The following AGPAT3 variants were observed in gnomAD, a reference collection of about 807,000 sequenced individuals.
AGPAT3 encodes the protein 1-acyl-sn-glycerol-3-phosphate acyltransferase gamma.
Under a neutral mutation model 47.3 loss-of-function variants are expected in AGPAT3, and 5 were observed. That is an observed-to-expected ratio of 0.11 (90% confidence interval 0.06 to 0.22). AGPAT3 has a LOEUF of 0.22. AGPAT3 is among the 10% of genes least tolerant of loss of function. AGPAT3 has a pLI of 1.00. For missense variants in AGPAT3, 315 were observed against 493.0 expected (o/e 0.64, Z 3.42); for synonymous variants, 212 against 208.3 (o/e 1.02, Z -0.15).
At position 43,905,154 on chromosome 21, in the gene AGPAT3, AATAT is replaced by A. The variant is rs1386430206; in HGVS notation, c.-49+1136_-49+1139del. On this transcript the variant is annotated intron_variant, in intron 2 of 9. Coordinates refer to ENST00000291572, the MANE Select transcript of AGPAT3 (RefSeq NM_020132.5). Reference sequence around the variant, plus strand: ...ATTTAGTGTCTCTTTTTTTAAAAAAAATATTTATTTATTTATTTATTTATTTATT... The same window carrying A: ...ATTTAGTGTCTCTTTTTTTAAAAAAATTATTTATTTATTTATTTATTTATT... Among the ~76,000 whole-genome samples, 153 of 115,286 alleles carry A rather than the reference AATAT, an allele frequency of 1.3e-3. No individual in the cohort carries two copies. In the Middle Eastern group the frequency reaches 0.018, roughly 13 times the overall value. The allele number at this position is 115,286 out of a possible 152,430, so 75.6% of individuals were successfully genotyped here. A position where few individuals can be genotyped will look rare whatever the true frequency, so the allele number is the denominator to read the frequency against.
At chr21:43,925,417 C>T (rs2087021896) in intron 2 of AGPAT3, 1 of 152,558 alleles carries the variant, frequency 6.6e-6, no homozygotes. Flanking sequence ...TGCTCACACA[C>T]TCCAGCCAGG....
intron 1 of AGPAT3, among the ~76,000 whole-genome samples, chr21:43,886,298 G>A (rs1439935338): frequency 6.6e-6 from 1 of 151,948 alleles, no homozygotes; most frequent in African/African-American, 2.4e-5. Flanking sequence ...CTGTTGCCCA[G>A]GCTGGAGTGC....
intron 2 of AGPAT3, among the ~76,000 whole-genome samples, chr21:43,926,947 C>T (rs1885797109): frequency 6.8e-6 from 1 of 147,506 alleles, no homozygotes; most frequent in Non-Finnish European, 1.5e-5. Context: ...CCATCTCACT[C>T]CAGTCTAGGC....
Position 43,982,411 on chromosome 21 carries a change from C to A in AGPAT3, c.*19C>A, listed in dbSNP as rs773958129. 11 of 1,579,426 alleles carry A rather than the reference C, an allele frequency of 7.0e-6. No homozygotes were observed. The highest frequency in any genetic ancestry group is 9.6e-6 in the Non-Finnish European group (11 of 1,148,886). ...GGAATAATTAATGGCTGTGACTGAA[C>A]ACACGCGGCCCTGACGGTGGTATCC... is the stretch of plus-strand genomic sequence containing the variant. On this transcript the variant is annotated 3_prime_UTR_variant, in exon 10 of 10. Coordinates refer to ENST00000291572, the MANE Select transcript of AGPAT3 (RefSeq NM_020132.5). This position sits in a 1 kb window ranked among gnomAD's most constrained non-coding sequence, Gnocchi z 6.2.
rs893758106 is a variant in AGPAT3 at position 43,939,791 on chromosome 21, C to T, written c.-48-19843C>T. 3.3e-5 allele frequency among the ~76,000 whole-genome samples: 5 copies of T among 152,218 alleles called. No individual in the cohort carries two copies. Among genetic ancestry groups the T allele is most frequent in the African/African-American group, 9.7e-5 (4 of 41,450 alleles). ...TGCTGTGAGGAGGAAGATGTGGGCA[C>T]TCTTAGGTCCCTGGTCCTAGGGGTC... On this transcript the variant is annotated intron_variant, in intron 2 of 9. Coordinates refer to ENST00000291572, the MANE Select transcript of AGPAT3 (RefSeq NM_020132.5). The surrounding 1 kb of genome is among the most constrained non-coding windows in gnomAD (Gnocchi z 4.4).
chr21:43,919,147 A>G (rs1254622532), intron 2 of AGPAT3, among the ~76,000 whole-genome samples: 1 of 151,922 alleles, frequency 6.6e-6, no homozygotes, highest in Non-Finnish European at 1.5e-5. Context: ...ACAAAAGTTT[A>G]CCGGTGTCTC....
chr21:43,876,922 G>T (rs1486989579), intron 1 of AGPAT3, among the ~76,000 whole-genome samples: 1 of 152,040 alleles, frequency 6.6e-6, no homozygotes, highest in African/African-American at 2.4e-5. Context: ...GCAGTGGTAC[G>T]ATCTTGGCTT....
intron 1 of AGPAT3, among the ~76,000 whole-genome samples, chr21:43,884,322 A>C (rs894602090): frequency 2.8e-5 from 4 of 141,516 alleles, no homozygotes; most frequent in Non-Finnish European, 6.0e-5. Flanking sequence ...TTGGCCTCAT[A>C]GATAAGCGGT....
In AGPAT3 at chr21:43,981,238, C is replaced by G; in HGVS notation, c.1042+51C>G. Reference sequence around the variant, plus strand: ...CACACTCTGACGGGCCTCACAGTATCAGCCACAGGGTCCGGGACCTGGTGA... The same window carrying G: ...CACACTCTGACGGGCCTCACAGTATGAGCCACAGGGTCCGGGACCTGGTGA... On this transcript the variant is annotated intron_variant, in intron 9 of 9. Coordinates refer to ENST00000291572, the MANE Select transcript of AGPAT3 (RefSeq NM_020132.5). The surrounding 1 kb of genome is among the most constrained non-coding windows in gnomAD (Gnocchi z 5.3). 3 of 1,591,406 alleles carry G rather than the reference C, an allele frequency of 1.9e-6. No individual in the cohort carries two copies. Among genetic ancestry groups the G allele is most frequent in the Non-Finnish European group, 2.6e-6 (3 of 1,160,348 alleles).
Position 43,981,016 on chromosome 21 carries a change from A to C in AGPAT3, c.871A>C (p.Lys291Gln). 6.2e-7 allele frequency: 1 copy of C among 1,614,148 alleles called. No individual in the cohort carries two copies. The highest frequency in any genetic ancestry group is 1.6e-4 in the Middle Eastern group (1 of 6,062). ...CGCGCTCCAGGAGATATATAATCAG[A>C]AGGGCATGTTTCCAGGGGAGCAGTT... ...KDALQEIYNQ[K>Q]GMFPGEQFKP... The change falls in exon 9 of 10, where the codon AAG becomes CAG. Residue 291 changes from lysine (K) to glutamine (Q), a missense_variant. Transcript: ENST00000291572. The surrounding 1 kb of genome is among the most constrained non-coding windows in gnomAD (Gnocchi z 5.3).
intron 2 of AGPAT3, among the ~76,000 whole-genome samples, chr21:43,940,256 G>A (rs1286539821): frequency 1.3e-5 from 2 of 152,280 alleles, no homozygotes; most frequent in Non-Finnish European, 2.9e-5. Flanking sequence ...AAGATGCTGA[G>A]CAGCTACCCG....
At chr21:43,979,587 G>A (rs1393464912) in intron 8 of AGPAT3, among the ~76,000 whole-genome samples, 2 of 152,158 alleles carry the variant, frequency 1.3e-5, no homozygotes, top group Non-Finnish European at 2.9e-5. Flanking sequence ...AGGTTAAACT[G>A]GAAAAGAAAA....
At chr21:43,909,855 C>G (rs1383125834) in intron 2 of AGPAT3, among the ~76,000 whole-genome samples, 2 of 152,158 alleles carry the variant, frequency 1.3e-5, no homozygotes, top group Non-Finnish European at 2.9e-5. Flanking sequence ...ATTAGTACAC[C>G]GTCCTGCAGG....
In AGPAT3 at chr21:43,969,237, C is replaced by T. The variant is rs35654315; in HGVS notation, c.468C>T (p.Val156=). ...RKWEEDRDTV[V]EGLRRLSDYP... ...GGGAGGAGGACCGGGACACCGTGGTCGAAGGGCTGAGGCGCCTGTCGGACT... is the reference window on the plus strand; with the variant it reads ...GGGAGGAGGACCGGGACACCGTGGTTGAAGGGCTGAGGCGCCTGTCGGACT... The change falls in exon 5 of 10, where the codon GTC becomes GTT. Residue 156 remains valine, a synonymous_variant. Coordinates refer to ENST00000291572, the MANE Select transcript of AGPAT3 (RefSeq NM_020132.5). The T allele has an allele frequency of 1.2e-5, 19 of 1,614,106 alleles. No individual in the cohort carries two copies. Among genetic ancestry groups the T allele is most frequent in the Admixed American group, 1.0e-4 (6 of 60,008 alleles).
At chr21:43,884,631 C>T (rs1030005272) in intron 1 of AGPAT3, among the ~76,000 whole-genome samples, 2 of 141,994 alleles carry the variant, frequency 1.4e-5, no homozygotes, top group South Asian at 2.2e-4. Flanking sequence ...TGGTGCTGGA[C>T]GTTGGGTGCC....
rs1320601066 is a variant in AGPAT3, at chr21:43,958,233, A to AGT, written c.-48-1389_-48-1388dup. On this transcript the variant is annotated intron_variant, in intron 2 of 9. Coordinates refer to ENST00000291572, the MANE Select transcript of AGPAT3 (RefSeq NM_020132.5). ...TTTTTCTTTCTGGTTTGCATGGGAG[A>AGT]GTGTGTGTGTGTGAGTGTGGCATGT... 4.6e-5 allele frequency among the ~76,000 whole-genome samples: 7 copies of AGT among 150,688 alleles called. No individual in the cohort carries two copies. The South Asian group carries it at 8.4e-4, about 18-fold the overall frequency.
At chr21:43,942,234 G>GT (rs1268594377) in intron 2 of AGPAT3, among the ~76,000 whole-genome samples, 1 of 152,144 alleles carries the variant, frequency 6.6e-6, no homozygotes, top group African/African-American at 2.4e-5. Flanking sequence ...AGGCGGCTTG[G>GT]TTTTTTTGTG....
At position 43,933,326 on chromosome 21, in the gene AGPAT3, C is replaced by G. The variant is rs2087321841; in HGVS notation, c.-48-26308C>G. On this transcript the variant is annotated intron_variant, in intron 2 of 9. Coordinates refer to ENST00000291572, the MANE Select transcript of AGPAT3 (RefSeq NM_020132.5). This position sits in a 1 kb window ranked among gnomAD's most constrained non-coding sequence, Gnocchi z 6.0. Reference sequence around the variant, plus strand: ...GCATGTGGTCTGCAGGGTTTTCTCTCCCTTGCGGGTCGTCTCTTTACCCTG... The same window carrying G: ...GCATGTGGTCTGCAGGGTTTTCTCTGCCTTGCGGGTCGTCTCTTTACCCTG... Among the ~76,000 whole-genome samples the G allele has an allele frequency of 6.6e-6, 1 of 152,174 alleles. No individual in the cohort carries two copies. The highest frequency in any genetic ancestry group is 1.5e-5 in the Non-Finnish European group (1 of 68,036).
rs139362000 is a variant in AGPAT3 at position 43,907,921 on chromosome 21, C to T, written c.-49+3902C>T. 2.0e-3 allele frequency among the ~76,000 whole-genome samples: 310 copies of T among 152,354 alleles called. 1 individual carries two copies. Among genetic ancestry groups the T allele is most frequent in the Non-Finnish European group, 3.3e-3 (222 of 68,032 alleles). On this transcript the variant is annotated intron_variant, in intron 2 of 9. Transcript: ENST00000291572. ...CGATTCCCCTGCTCGGGTGTTTGCG[C>T]GCCCTCTCCGTCGCACGGCTCCGTG...
Sources: allele counts gnomAD v4.1 joint callset (sites outside exome capture counted in the v4.1 genomes callset), GRCh38; gene constraint gnomAD v4.1.1; non-coding constraint Gnocchi (gnomAD v3.1); transcripts MANE v1.5; gene names NCBI Gene and HGNC (gene_info 2026-07-23, HGNC 2026-07-21).